ABHD5: variants seen among roughly 807,000 people sequenced by gnomAD.
ABHD5 encodes 1-acylglycerol-3-phosphate O-acyltransferase ABHD5.
A neutral mutation model predicts 44.9 loss-of-function variants in ABHD5; 30 were observed. That is an observed-to-expected ratio of 0.67 (90% CI 0.50 to 0.91). The LOEUF is 0.91. Ranked by LOEUF, ABHD5 falls within the 40% of genes least tolerant of loss-of-function variation. The pLI is 0.00. For synonymous variants in ABHD5, 167 were observed against 147.0 expected (o/e 1.14, Z -0.99); for missense variants, 399 against 423.4 (o/e 0.94, Z 0.50).
Position 43,718,567 on chromosome 3 carries a change from T to C in ABHD5, c.*35T>C. ...AGCTCTGATGGGAAAACCTGGTGAC[T>C]GATATAGTTGTTCAGCAATAATTCA... On this transcript the variant is annotated 3_prime_UTR_variant, in exon 7 of 7. Coordinates refer to ENST00000644371, the MANE Select transcript of ABHD5 (RefSeq NM_016006.6). The C allele has an allele frequency of 5.7e-6, 9 of 1,577,520 alleles. No homozygotes were observed. The highest frequency in any genetic ancestry group is 7.8e-6 in the Non-Finnish European group (9 of 1,146,636).
intron 2 of ABHD5, among the ~76,000 whole-genome samples, chr3:43,701,631 G>A (rs1014178955): frequency 1.3e-5 from 2 of 152,194 alleles, no homozygotes; most frequent in African/African-American, 2.4e-5. Flanking sequence ...GTTACCTGGT[G>A]TGTCATGCTG....
rs764918647 is a variant in ABHD5 at position 43,690,986 on chromosome 3, G to A, written c.-7G>A. ...AGATAAGTCCCGGCGCTTGCGCGGC[G>A]GCGGCTATGGCGGCGGAGGAGGAGG... On this transcript the variant is annotated 5_prime_UTR_variant, in exon 1 of 7. Coordinates refer to ENST00000644371, the MANE Select transcript of ABHD5 (RefSeq NM_016006.6). 4.5e-6 allele frequency: 7 copies of A among 1,572,102 alleles called. No homozygotes were observed. In the Admixed American group the frequency reaches 9.0e-5, roughly 20 times the overall value.
At chr3:43,696,967 T>C (rs1487677890) in intron 1 of ABHD5, among the ~76,000 whole-genome samples, 1 of 152,214 alleles carries the variant, frequency 6.6e-6, no homozygotes, top group African/African-American at 2.4e-5. Context: ...TTGGTGCCTC[T>C]TCTTATGGTT....
chr3:43,706,588 G>A (rs908923141), intron 3 of ABHD5, among the ~76,000 whole-genome samples: 2 of 151,768 alleles, frequency 1.3e-5, no homozygotes, highest in East Asian at 3.9e-4. Context: ...CGTGTAGCTA[G>A]TACTACAGGT....
chr3:43,704,096 G>A (rs925620623), intron 3 of ABHD5, among the ~76,000 whole-genome samples: 3 of 146,594 alleles, frequency 2.0e-5, no homozygotes, highest in South Asian at 2.2e-4. Context: ...GGAGTGCAGT[G>A]GCGCGGTATC....
At chr3:43,699,071 T>G (rs2149593858) in intron 1 of ABHD5, among the ~76,000 whole-genome samples, 1 of 152,368 alleles carries the variant, frequency 6.6e-6, no homozygotes, top group Middle Eastern at 3.4e-3. Flanking sequence ...GAGATCTACT[T>G]GTAAGTACAC....
intron 5 of ABHD5, among the ~76,000 whole-genome samples, chr3:43,717,041 C>T (rs1317341945): frequency 6.6e-6 from 1 of 151,968 alleles, no homozygotes; most frequent in Non-Finnish European, 1.5e-5. Context: ...CATGGTGGTG[C>T]GTGCCTGTAA....
Position 43,721,406 on chromosome 3 carries a change from T to C in ABHD5, c.*2874T>C, listed in dbSNP as rs2084834343. On this transcript the variant is annotated 3_prime_UTR_variant, in exon 7 of 7. Transcript: ENST00000644371. ...GAAAAACTTTCCTAGGACTGAAAAT[T>C]CAGAAGCAATAAAAAGAGAAGTCTA... 6.6e-6 allele frequency: 1 copy of C among 151,814 alleles called. No homozygotes were observed. Among genetic ancestry groups the C allele is most frequent in the Non-Finnish European group, 1.5e-5 (1 of 67,964 alleles). The allele number at this position is 151,814 out of a possible 1,614,324, so 9.4% of individuals were successfully genotyped here.
chr3:43,693,750 CTT>C lies in ABHD5; in HGVS notation c.47+2724_47+2725del, dbSNP rs11294193. On this transcript the variant is annotated intron_variant, in intron 1 of 6. Transcript: ENST00000644371. ...ACAATAACTTTTATTAGTTTCTCCT[CTT>C]TTTTTTTTTTTTGCATTCTCTAAAT... 8.5e-3 allele frequency among the ~76,000 whole-genome samples: 1,194 copies of C among 140,256 alleles called. 4 individuals are homozygous for C. The highest frequency in any genetic ancestry group is 0.027 in the Middle Eastern group (7 of 264). The allele number at this position is 140,256 out of a possible 152,430, so 92.0% of individuals were successfully genotyped here.
intron 7 of ABHD5, among the ~76,000 whole-genome samples, chr3:43,729,404 A>G (rs905682982): frequency 5.3e-5 from 8 of 152,168 alleles, no homozygotes; most frequent in African/African-American, 1.7e-4. Context: ...ACACGCATTT[A>G]TGGGGAGACT....
At chr3:43,716,597 A>G (rs1406181085) in intron 5 of ABHD5, among the ~76,000 whole-genome samples, 1 of 152,156 alleles carries the variant, frequency 6.6e-6, no homozygotes, top group Non-Finnish European at 1.5e-5. Flanking sequence ...GTTCTCTGCC[A>G]AGAGTGAGGG....
chr3:43,712,203 G>A (rs2084698066), intron 4 of ABHD5, among the ~76,000 whole-genome samples: 1 of 152,146 alleles, frequency 6.6e-6, no homozygotes, highest in Non-Finnish European at 1.5e-5. Flanking sequence ...TCCAGGGCCT[G>A]GGAGAAGTGT....
intron 2 of ABHD5, chr3:43,699,732 A>G (rs1160433080): frequency 1.2e-5 from 2 of 165,580 alleles, no homozygotes; most frequent in East Asian, 1.7e-4. Context: ...ATTAAAATAA[A>G]TAAAATTTGT....
At chr3:43,703,693 CT>C (rs1373666108) in intron 3 of ABHD5, among the ~76,000 whole-genome samples, 1 of 152,088 alleles carries the variant, frequency 6.6e-6, no homozygotes, top group Non-Finnish European at 1.5e-5. Flanking sequence ...CTGATTTTGA[CT>C]TTGAGGTCCG....
chr3:43,726,337 C>T (rs2084877729), downstream of ABHD5, among the ~76,000 whole-genome samples: 1 of 152,164 alleles, frequency 6.6e-6, no homozygotes, highest in Non-Finnish European at 1.5e-5. Flanking sequence ...CGATCTTTAA[C>T]ATATATCTGT....
intron 1 of ABHD5, among the ~76,000 whole-genome samples, chr3:43,695,703 A>G (rs551885857): frequency 3.3e-5 from 5 of 152,338 alleles, no homozygotes; most frequent in South Asian, 2.1e-4. Flanking sequence ...TTACCAGGAA[A>G]CTTAAGTGTT....
At chr3:43,705,827 T>G (rs2084611245) in intron 3 of ABHD5, among the ~76,000 whole-genome samples, 2 of 152,202 alleles carry the variant, frequency 1.3e-5, no homozygotes, top group Admixed American at 1.3e-4. Flanking sequence ...GGTCTTGCTG[T>G]CCACGTTTAT....
intron 5 of ABHD5, 27 bp downstream of exon 5, chr3:43,715,085 CTGTGTGTGTGTGTGTG>C (rs10662733): frequency 9.4e-6 from 8 of 846,742 alleles, no homozygotes; most frequent in South Asian, 5.5e-5. Flanking sequence ...TCAATTCACT[CTGTGTGTGTGTGTGTG>C]TGTGTGTGTG....
At chr3:43,696,332 T>C (rs2084473876) in intron 1 of ABHD5, among the ~76,000 whole-genome samples, 1 of 152,226 alleles carries the variant, frequency 6.6e-6, no homozygotes, top group African/African-American at 2.4e-5. Context: ...TTTACTGTTT[T>C]ATAGGTGGGC....
Sources: allele counts gnomAD v4.1 joint callset (sites outside exome capture counted in the v4.1 genomes callset), GRCh38; gene constraint gnomAD v4.1.1; transcripts MANE v1.5; gene names NCBI Gene and HGNC (gene_info 2026-07-23, HGNC 2026-07-21).